Variants in APH1B observed in about 807,000 individuals in gnomAD.
The protein encoded by APH1B is gamma-secretase subunit APH-1B.
APH1B carries 27 observed loss-of-function variants against 28.2 expected under a neutral mutation model. That is an observed-to-expected ratio of 0.96 (90% CI 0.70 to 1.32). The LOEUF is 1.32. Among genes scored for constraint, APH1B ranks in the 40% most tolerant of loss-of-function variants. The probability of loss-of-function intolerance (pLI) is 0.00; values close to 1 mark genes in which losing one functional copy is unlikely to be tolerated. For synonymous variants in APH1B, 141 were observed against 124.6 expected (o/e 1.13, Z -0.88); for missense variants, 305 against 313.6 (o/e 0.97, Z 0.21).
In APH1B at chr15:63,308,057, C is replaced by G. The variant is rs1419999167; in HGVS notation, c.*2276C>G. 1 of 151,866 alleles carries G rather than the reference C, an allele frequency of 6.6e-6. No homozygotes were observed. Among genetic ancestry groups the G allele is most frequent in the Admixed American group, 6.6e-5 (1 of 15,258 alleles). The allele number at this position is 151,866 out of a possible 1,614,324, so 9.4% of individuals were successfully genotyped here. A position where few individuals can be genotyped will look rare whatever the true frequency, so the allele number is the denominator to read the frequency against. ...AGGAGGCCCAGAGGGAGGGCCTAGT[C>G]TTCCTCTGTTGCTGTACATATATTG... On this transcript the variant is annotated 3_prime_UTR_variant, in exon 6 of 6. Transcript: ENST00000261879.
chr15:63,295,096 A>C (rs1459179026), intron 4 of APH1B, among the ~76,000 whole-genome samples: 4 of 152,182 alleles, frequency 2.6e-5, no homozygotes, highest in African/African-American at 9.7e-5. Flanking sequence ...TCTTCATCCA[A>C]GGTCTTATGG....
At position 63,304,883 on chromosome 15, in the gene APH1B, C is replaced by G. The variant is rs1198446150; in HGVS notation, c.607-731C>G. Among the ~76,000 whole-genome samples, 1 of 152,156 alleles carries G rather than the reference C, an allele frequency of 6.6e-6. No homozygotes were observed. The highest frequency in any genetic ancestry group is 1.5e-5 in the Non-Finnish European group (1 of 68,026). The stretch of plus-strand genomic sequence containing the variant: ...GAAAATGCTCAATGCCTGCCATGCC[C>G]ACGGAGGCCTCTTGAGAAGAGCAGT... On this transcript the variant is annotated intron_variant, in intron 5 of 5. Transcript: ENST00000261879. This position sits in a 1 kb window ranked among gnomAD's most constrained non-coding sequence, Gnocchi z 5.1.
chr15:63,285,441 T>TA (rs2152594260), intron 2 of APH1B, among the ~76,000 whole-genome samples: 1 of 152,336 alleles, frequency 6.6e-6, no homozygotes, highest in South Asian at 2.1e-4. Flanking sequence ...ATAGTAAATA[T>TA]AATTTAAATA....
At chr15:63,284,581 AC>A (rs1038516989) in intron 2 of APH1B, among the ~76,000 whole-genome samples, 2 of 208 alleles carry the variant, frequency 9.6e-3, no homozygotes, top group East Asian at 0.1. Context: ...CACCACAAAC[AC>A]GGGGGGTGAT....
intron 4 of APH1B, among the ~76,000 whole-genome samples, chr15:63,299,893 T>C (rs1265683164): frequency 6.6e-6 from 1 of 151,762 alleles, no homozygotes; most frequent in Non-Finnish European, 1.5e-5. Context: ...CTAAATGTAC[T>C]TTCTCCCCAA....
chr15:63,298,512 G>A (rs2038591398), intron 4 of APH1B, among the ~76,000 whole-genome samples: 1 of 152,154 alleles, frequency 6.6e-6, no homozygotes, highest in Non-Finnish European at 1.5e-5. Context: ...GCCTGGCCAG[G>A]AATGCATTTT....
At chr15:63,295,676 C>A (rs986748241) in intron 4 of APH1B, among the ~76,000 whole-genome samples, 1 of 152,174 alleles carries the variant, frequency 6.6e-6, no homozygotes, top group African/African-American at 2.4e-5. Flanking sequence ...GCCAGAAGCA[C>A]CCCTGTCCCC....
At chr15:63,279,789 G>A (rs1287242161) in intron 2 of APH1B, among the ~76,000 whole-genome samples, 4 of 147,632 alleles carry the variant, frequency 2.7e-5, no homozygotes, top group Non-Finnish European at 6.0e-5. Flanking sequence ...CACCACCTAA[G>A]TTAATTCTTT....
intron 1 of APH1B, among the ~76,000 whole-genome samples, chr15:63,278,106 A>G (rs1024398201): frequency 2.6e-5 from 4 of 152,200 alleles, no homozygotes; most frequent in East Asian, 1.9e-4. Flanking sequence ...GTTAAAAACC[A>G]TTGGCGTTTA....
chr15:63,294,413 T>C (rs1332498485), intron 4 of APH1B, among the ~76,000 whole-genome samples: 1 of 152,178 alleles, frequency 6.6e-6, no homozygotes, highest in Non-Finnish European at 1.5e-5. Context: ...ATCCCAGCAT[T>C]TATCAACCTC....
At position 63,302,424 on chromosome 15, in the gene APH1B, G is replaced by C. The variant is rs750719908; in HGVS notation, c.558G>C (p.Trp186Cys). 2 of 1,613,982 alleles carry C rather than the reference G, an allele frequency of 1.2e-6. No individual in the cohort carries two copies. Among genetic ancestry groups the C allele is most frequent in the Admixed American group, 3.3e-5 (2 of 60,008 alleles). The change falls in exon 5 of 6, where the codon TGG becomes TGC. Residue 186 changes from tryptophan (W) to cysteine (C), a missense_variant. By Grantham distance (215) the Trp-to-Cys change is radical. Coordinates refer to ENST00000261879, the MANE Select transcript of APH1B (RefSeq NM_031301.4). ...TTGATGGCTGTGAGAAGAAAAAGTG[G>C]GGCATCCTCCTTATCGTTCTCCTGA... ...VFFDGCEKKK[W>C]GILLIVLLTH...
intron 4 of APH1B, among the ~76,000 whole-genome samples, chr15:63,289,017 C>A (rs1350335350): frequency 1.3e-5 from 2 of 151,926 alleles, no homozygotes; most frequent in Admixed American, 6.6e-5. Context: ...TGTTTTCATA[C>A]GATGTTTAAA....
At chr15:63,280,423 G>A (rs1393502409) in intron 2 of APH1B, among the ~76,000 whole-genome samples, 2 of 152,192 alleles carry the variant, frequency 1.3e-5, no homozygotes, top group African/African-American at 2.4e-5. Flanking sequence ...TACAAATGAA[G>A]TAATTAAGGC....
At chr15:63,287,795 G>A (rs1242299246) in intron 4 of APH1B, among the ~76,000 whole-genome samples, 5 of 152,312 alleles carry the variant, frequency 3.3e-5, no homozygotes, top group Admixed American at 2.6e-4. Context: ...TTGCTATATA[G>A]TTGAAATGTT....
Position 63,294,933 on chromosome 15 carries a change from G to T in APH1B, c.478+7387G>T, listed in dbSNP as rs1332375842. On this transcript the variant is annotated intron_variant, in intron 4 of 5. Coordinates refer to ENST00000261879, the MANE Select transcript of APH1B (RefSeq NM_031301.4). ...GGCAGTGGAACAAGGTCTTTAAAAT[G>T]GTGCACTCCTGCACCCTTCCTCATC... Among the ~76,000 whole-genome samples, 5 of 152,292 alleles carry T rather than the reference G, an allele frequency of 3.3e-5. No individual in the cohort carries two copies. The East Asian group carries it at 9.7e-4, about 29-fold the overall frequency.
chr15:63,277,956 G>A (rs1165786777), intron 1 of APH1B: 1 of 573,310 alleles, frequency 1.7e-6, no homozygotes, highest in African/African-American at 1.9e-5. Flanking sequence ...TGGGGCTCAT[G>A]GGTGGGGTTT....
chr15:63,287,236 T>G, intron 3 of APH1B, 188 bp from the exon 4 acceptor site: 1 of 662,830 alleles, frequency 1.5e-6, no homozygotes, highest in Non-Finnish European at 2.5e-6. Flanking sequence ...TTTCCTTTCC[T>G]CTTCCCGCTT....
chr15:63,277,865 G>C (rs1595757243), intron 1 of APH1B, 129 bp downstream of exon 1: 1 of 903,058 alleles, frequency 1.1e-6, no homozygotes, highest in East Asian at 2.9e-5. Flanking sequence ...GGGTTGAGAG[G>C]GGGAGAGCGG....
chr15:63,282,603 T>C (rs1167448376), intron 2 of APH1B, among the ~76,000 whole-genome samples: 2 of 151,846 alleles, frequency 1.3e-5, no homozygotes, highest in African/African-American at 4.8e-5. Flanking sequence ...TAGACAACTC[T>C]ATGTTGCTTG....
Sources: allele counts gnomAD v4.1 joint callset (sites outside exome capture counted in the v4.1 genomes callset), GRCh38; gene constraint gnomAD v4.1.1; non-coding constraint Gnocchi (gnomAD v3.1); transcripts MANE v1.5; gene names NCBI Gene and HGNC (gene_info 2026-07-23, HGNC 2026-07-21).